ENOX1: variants seen among roughly 807,000 people sequenced by gnomAD.
ENOX1 encodes ecto-NOX disulfide-thiol exchanger 1, also known as candidate growth-related and time keeping constitutive hydroquinone (NADH) oxidase.
A neutral mutation model predicts 82.5 loss-of-function variants in ENOX1; 42 were observed. The ratio of observed to expected loss-of-function variants is 0.51; its 90% CI spans 0.40 to 0.66. The LOEUF (loss-of-function observed/expected upper bound fraction) is 0.66, where lower values mean the gene tolerates loss of function less well. ENOX1 is among the 30% of genes least tolerant of loss of function. The pLI is 0.00. For missense variants in ENOX1, 608 were observed against 811.6 expected (o/e 0.75, Z 3.05); for synonymous variants, 271 against 282.2 (o/e 0.96, Z 0.40).
At chr13:43,319,723 T>C (rs2047703397) in intron 11 of ENOX1, among the ~76,000 whole-genome samples, 1 of 152,192 alleles carries the variant, frequency 6.6e-6, no homozygotes, top group African/African-American at 2.4e-5. Context: ...TATTCTCTTC[T>C]GGAATTTCCA....
At chr13:43,785,001 A>G (rs1566924836) in intron 1 of ENOX1, among the ~76,000 whole-genome samples, 2 of 152,238 alleles carry the variant, frequency 1.3e-5, no homozygotes, top group Non-Finnish European at 2.9e-5. Flanking sequence ...ATTTTATGCA[A>G]TGCTCATCCG....
chr13:43,395,505 C>A (rs2053085318), intron 5 of ENOX1, among the ~76,000 whole-genome samples: 1 of 152,060 alleles, frequency 6.6e-6, no homozygotes, highest in Non-Finnish European at 1.5e-5. Context: ...AGCCTGGGCA[C>A]CAGAGTAAGA....
chr13:43,402,074 C>G (rs1322649097), intron 5 of ENOX1, among the ~76,000 whole-genome samples: 1 of 152,018 alleles, frequency 6.6e-6, no homozygotes, highest in Admixed American at 6.5e-5. Flanking sequence ...TCAATCAAGA[C>G]AGAGATTCAG....
At position 43,754,354 on chromosome 13, in the gene ENOX1, T is replaced by C. The variant is rs566546222; in HGVS notation, c.-285+32298A>G. Among the ~76,000 whole-genome samples, 122 of 134,690 alleles carry C rather than the reference T, an allele frequency of 9.1e-4. 1 individual carries two copies. The highest frequency in any genetic ancestry group is 2.4e-3 in the Admixed American group (33 of 13,668). 88.4% of individuals were successfully genotyped at this position (134,690 alleles called of 152,430 possible). On this transcript the variant is annotated intron_variant, in intron 1 of 16. Coordinates refer to ENST00000690772, the MANE Select transcript of ENOX1 (RefSeq NM_001347969.2). ...ATATATATATTATTATTATTATTTA[T>C]TTTTTTTTTTTACTGTCACCCAGGC...
intron 10 of ENOX1, among the ~76,000 whole-genome samples, chr13:43,325,218 T>A (rs909020404): frequency 1.3e-5 from 2 of 152,038 alleles, no homozygotes; most frequent in Non-Finnish European, 2.9e-5. Context: ...TAAAGAGAAA[T>A]CCCACCTCTT....
intron 2 of ENOX1, among the ~76,000 whole-genome samples, chr13:43,491,171 A>G (rs1216958691): frequency 6.6e-6 from 1 of 152,144 alleles, no homozygotes; most frequent in African/African-American, 2.4e-5. Flanking sequence ...GGGGCAAGAG[A>G]GAAAAGGGAG....
At chr13:43,425,769 A>G (rs1458965656) in intron 3 of ENOX1, among the ~76,000 whole-genome samples, 1 of 152,236 alleles carries the variant, frequency 6.6e-6, no homozygotes, top group Non-Finnish European at 1.5e-5. Flanking sequence ...ATTCCATATT[A>G]TGACAATTCT....
intron 3 of ENOX1, among the ~76,000 whole-genome samples, chr13:43,447,939 A>G (rs976588283): frequency 5.9e-5 from 9 of 152,246 alleles, no homozygotes; most frequent in African/African-American, 2.2e-4. Flanking sequence ...GCAGAAAAGC[A>G]TATACAGATA....
intron 1 of ENOX1, among the ~76,000 whole-genome samples, chr13:43,762,688 C>G (rs1015708343): frequency 6.6e-6 from 1 of 152,124 alleles, no homozygotes; most frequent in African/African-American, 2.4e-5. Context: ...AAAATGCACT[C>G]ATGGTAGCCA....
intron 5 of ENOX1, among the ~76,000 whole-genome samples, chr13:43,401,708 A>C (rs531127635): frequency 9.5e-4 from 145 of 152,250 alleles, no homozygotes; most frequent in African/African-American, 2.9e-3. Flanking sequence ...GGAGTAGCTC[A>C]AGTTCTCGAG....
At chr13:43,735,984 CAAT>C (rs1346187076) in intron 1 of ENOX1, among the ~76,000 whole-genome samples, 3 of 152,270 alleles carry the variant, frequency 2.0e-5, no homozygotes, top group East Asian at 1.9e-4. Flanking sequence ...GAGCAACAGA[CAAT>C]GATGATCAAA....
At chr13:43,339,765 C>T (rs987393031) in intron 9 of ENOX1, among the ~76,000 whole-genome samples, 1 of 152,154 alleles carries the variant, frequency 6.6e-6, no homozygotes, top group Non-Finnish European at 1.5e-5. Flanking sequence ...TTTCCAGCCA[C>T]CTGGGAGAAG....
chr13:43,581,397 G>T (rs557664258), intron 2 of ENOX1, among the ~76,000 whole-genome samples: 72 of 152,172 alleles, frequency 4.7e-4, no homozygotes, highest in African/African-American at 1.7e-3. Context: ...CTCCCAAAGT[G>T]CTGGGATTAC....
chr13:43,487,203 T>C (rs1240834463), intron 2 of ENOX1, among the ~76,000 whole-genome samples: 4 of 151,022 alleles, frequency 2.6e-5, no homozygotes. Context: ...GAAATATTAG[T>C]AGTATTGTTG....
At chr13:43,452,525 T>G (rs535737513) in intron 3 of ENOX1, among the ~76,000 whole-genome samples, 10 of 152,248 alleles carry the variant, frequency 6.6e-5, no homozygotes, top group Admixed American at 6.5e-4. Flanking sequence ...CATCATTGTA[T>G]CTAACTATTT....
Position 43,570,003 on chromosome 13 carries a change from G to A in ENOX1, c.-218-85851C>T, listed in dbSNP as rs374883794. Among the ~76,000 whole-genome samples, 9 of 152,324 alleles carry A rather than the reference G, an allele frequency of 5.9e-5. No individual in the cohort carries two copies. The East Asian group carries it at 1.7e-3, about 29-fold the overall frequency. ...TTAAATTAGTATCTGTGAACTGGTT[G>A]AGAGCAGGAACTTTGTCTTAATTTT... On this transcript the variant is annotated intron_variant, in intron 2 of 16. Coordinates refer to ENST00000690772, the MANE Select transcript of ENOX1 (RefSeq NM_001347969.2).
intron 3 of ENOX1, among the ~76,000 whole-genome samples, chr13:43,462,481 T>C (rs911674321): frequency 2.6e-5 from 4 of 152,296 alleles, no homozygotes; most frequent in East Asian, 1.9e-4. Flanking sequence ...ACAATTCAAA[T>C]AAGCTTACAG....
chr13:43,235,237 A>G (rs1488466410), intron 15 of ENOX1, among the ~76,000 whole-genome samples: 1 of 152,228 alleles, frequency 6.6e-6, no homozygotes, highest in Non-Finnish European at 1.5e-5. Context: ...TTACAGCTGT[A>G]TATCATCAGA....
intron 1 of ENOX1, among the ~76,000 whole-genome samples, chr13:43,776,590 A>C (rs763720881): frequency 2.0e-5 from 3 of 152,214 alleles, no homozygotes; most frequent in African/African-American, 7.2e-5. Flanking sequence ...AATGCAGAGA[A>C]TTGACTACTC....
Sources: allele counts gnomAD v4.1 joint callset (sites outside exome capture counted in the v4.1 genomes callset), GRCh38; gene constraint gnomAD v4.1.1; transcripts MANE v1.5; gene names NCBI Gene and HGNC (gene_info 2026-07-23, HGNC 2026-07-21).